CASC3: variants seen among roughly 807,000 people sequenced by gnomAD.
CASC3 encodes protein CASC3.
In CASC3, 30 loss-of-function variants were observed where a neutral mutation model predicts 80.5. That is an observed-to-expected ratio of 0.37 (90% CI 0.28 to 0.51). The LOEUF (loss-of-function observed/expected upper bound fraction) is 0.51, where lower values mean the gene tolerates loss of function less well. Among genes scored for constraint, CASC3 ranks in the 20% least tolerant of loss-of-function variants. The pLI is 0.94. For missense variants in CASC3, 824 were observed against 922.2 expected, an observed-to-expected ratio of 0.89 and a Z score of 1.38; for synonymous variants, 312 against 333.6, an observed-to-expected ratio of 0.94 and a Z score of 0.70.
chr17:40,142,652 G>T (rs577181945), intron 3 of CASC3, among the ~76,000 whole-genome samples: 26 of 152,286 alleles, frequency 1.7e-4, no homozygotes, highest in Non-Finnish European at 2.6e-4. Flanking sequence ...ACTTTGTGAG[G>T]CCCAGGCGGG....
chr17:40,167,349 A>T, intron 8 of CASC3, 149 bp from the exon 9 acceptor site: 1 of 608,982 alleles, frequency 1.6e-6, no homozygotes, highest in Non-Finnish European at 3.0e-6. Context: ...TCAAATCTTG[A>T]TATCTTTTCA....
At position 40,171,950 on chromosome 17, in the gene CASC3, G is replaced by A. The variant is rs752282720; in HGVS notation, c.*1545G>A. ...CTGGTGGTTGTGCCTTTTGTAGGCT[G>A]TTCCCTTTGCCTTAAACCTGAAGAT... On this transcript the variant is annotated 3_prime_UTR_variant, in exon 14 of 14. Transcript: ENST00000264645. 4 of 1,284,180 alleles carry A rather than the reference G, an allele frequency of 3.1e-6. No homozygotes were observed. In the Admixed American group the frequency reaches 9.3e-5, roughly 30 times the overall value. The allele number at this position is 1,284,180 out of a possible 1,614,324, so 79.5% of individuals were successfully genotyped here. A position where few individuals can be genotyped will look rare whatever the true frequency, so the allele number is the denominator to read the frequency against.
At position 40,164,000 on chromosome 17, in the gene CASC3, T is replaced by A. The variant is rs1186702809; in HGVS notation, c.1305T>A (p.Pro435=). The change falls in exon 7 of 14, where the codon CCT becomes CCA. Residue 435 remains proline, a synonymous_variant. Transcript: ENST00000264645. ...CTCCTGAAGGACTGATTCCAGCACC[T>A]CCAGTCCCAGAAACCACCCCAACTC... is the stretch of plus-strand genomic sequence containing the variant. ...PPPPEGLIPA[P]PVPETTPTPP... 1 of 1,613,846 alleles carries A rather than the reference T, an allele frequency of 6.2e-7. No individual in the cohort carries two copies. Among genetic ancestry groups the A allele is most frequent in the Admixed American group, 1.7e-5 (1 of 59,972 alleles).
intron 2 of CASC3, 71 bp from the exon 3 acceptor site, chr17:40,141,499 C>A: frequency 7.8e-7 from 1 of 1,282,170 alleles, no homozygotes; most frequent in South Asian, 1.2e-5. Context: ...GACTCTTAGT[C>A]TGACCTGTAA....
At position 40,161,755 on chromosome 17, in the gene CASC3, T is replaced by G; in HGVS notation, c.300T>G (p.Gly100=). Residue 100 remains glycine (G), a splice_region_variant and synonymous_variant, in exon 4 of 14, where the codon GGT becomes GGG. Transcript: ENST00000264645. ...GCTGACAGGGAAACTTTTTTCAGGGTGAAGAAGGTGAATACAGTGAAGAGG... is the reference window on the plus strand; with the variant it reads ...GCTGACAGGGAAACTTTTTTCAGGGGGAAGAAGGTGAATACAGTGAAGAGG... The part of the protein sequence containing the change: ...SDYESAEDSE[G]EEGEYSEEEN... 6.2e-7 allele frequency: 1 copy of G among 1,613,624 alleles called. No individual in the cohort carries two copies.
Position 40,162,841 on chromosome 17 carries a change from A to G in CASC3, c.725A>G (p.Tyr242Cys). The change falls in exon 6 of 14, where the codon TAT becomes TGT. Residue 242 changes from tyrosine (Y) to cysteine (C), a missense_variant. Physicochemically the swap from Tyr to Cys is radical, Grantham distance 194. Coordinates refer to ENST00000264645, the MANE Select transcript of CASC3 (RefSeq NM_007359.5). Reference protein sequence around the residue: ...SRQELIALYGYDIRSAHNPDD... With the variant: ...SRQELIALYGCDIRSAHNPDD... ...CAGGAGCTCATTGCTCTTTATGGTTATGACATTCGCTCAGCTCATAATCCT... is the reference window on the plus strand; with the variant it reads ...CAGGAGCTCATTGCTCTTTATGGTTGTGACATTCGCTCAGCTCATAATCCT... 1 of 1,614,170 alleles carries G rather than the reference A, an allele frequency of 6.2e-7. No homozygotes were observed. The highest frequency in any genetic ancestry group is 8.5e-7 in the Non-Finnish European group (1 of 1,180,020).
intron 3 of CASC3, among the ~76,000 whole-genome samples, chr17:40,142,757 T>C (rs1988753466): frequency 6.6e-6 from 1 of 151,872 alleles, no homozygotes; most frequent in African/African-American, 2.4e-5. Context: ...ATAAATTAGC[T>C]GGGCGTGGTG....
chr17:40,152,234 C>T (rs891102806), intron 3 of CASC3, among the ~76,000 whole-genome samples: 1 of 152,194 alleles, frequency 6.6e-6, no homozygotes, highest in Non-Finnish European at 1.5e-5. Flanking sequence ...AACTCCTGGG[C>T]TTAAGCAATC....
Position 40,163,541 on chromosome 17 carries a change from T to A in CASC3, c.846T>A (p.His282Gln), listed in dbSNP as rs1234862447. 1.2e-6 allele frequency: 2 copies of A among 1,613,932 alleles called. No individual in the cohort carries two copies. Among genetic ancestry groups the A allele is most frequent in the East Asian group, 4.5e-5 (2 of 44,884 alleles). ...ACGGTGAGCGGCTAAACAAGTCTCA[T>A]CGCCACCAGGGTCTTGGGGGCACCC... ...NWNGERLNKS[H>Q]RHQGLGGTLP... Residue 282 changes from histidine (H) to glutamine (Q), a missense_variant, in exon 7 of 14, where the codon CAT (histidine) becomes CAA (glutamine). This residue lies in a region of CASC3 where 201 missense variants were observed against 294.1 expected (regional missense o/e 0.68). Coordinates refer to ENST00000264645, the MANE Select transcript of CASC3 (RefSeq NM_007359.5).
intron 2 of CASC3, 67 bp downstream of exon 2, chr17:40,141,301 CCAA>C: frequency 2.1e-6 from 3 of 1,414,408 alleles, no homozygotes; most frequent in South Asian, 1.2e-5. Flanking sequence ...TCATCTATTT[CCAA>C]CATCGACATT....
At chr17:40,166,733 A>T in intron 7 of CASC3, 64 bp from the exon 8 acceptor site, 1 of 1,067,086 alleles carries the variant, frequency 9.4e-7, no homozygotes, top group Non-Finnish European at 1.4e-6. Flanking sequence ...GTCTCTTGAT[A>T]GTATCTTTGA....
At chr17:40,154,886 A>G (rs948128246) in intron 3 of CASC3, among the ~76,000 whole-genome samples, 4 of 151,990 alleles carry the variant, frequency 2.6e-5, no homozygotes, top group African/African-American at 9.7e-5. Context: ...GTAAGGGTCT[A>G]ACTTCATTCT....
Position 40,163,909 on chromosome 17 carries a change from C to A in CASC3, c.1214C>A (p.Ser405Tyr). The change falls in exon 7 of 14, where the codon TCC (serine) becomes TAC (tyrosine). Residue 405 changes from serine (S) to tyrosine (Y), a missense_variant. This residue lies in a region of CASC3 where 464 missense variants were observed against 506.0 expected (regional missense o/e 0.92). Transcript: ENST00000264645. ...AGGCCCATTGAGAAGAAATCCTATTCCCGGGCAAGAAGAACTCGAACCAAA... is the reference window on the plus strand; with the variant it reads ...AGGCCCATTGAGAAGAAATCCTATTACCGGGCAAGAAGAACTCGAACCAAA... Reference protein sequence around the residue: ...PDRPIEKKSYSRARRTRTKVG... With the variant: ...PDRPIEKKSYYRARRTRTKVG... The A allele has an allele frequency of 6.2e-7, 1 of 1,614,094 alleles. No individual in the cohort carries two copies. Among genetic ancestry groups the A allele is most frequent in the Non-Finnish European group, 8.5e-7 (1 of 1,180,008 alleles).
chr17:40,166,673 T>C, intron 7 of CASC3, 124 bp from the exon 8 acceptor site: 1 of 603,126 alleles, frequency 1.7e-6, no homozygotes, highest in Non-Finnish European at 2.9e-6. Flanking sequence ...TTATAGAGAA[T>C]TTTATTAGTT....
Position 40,166,851 on chromosome 17 carries a change from T to C in CASC3, c.1526T>C (p.Met509Thr), listed in dbSNP as rs1413804562. The C allele has an allele frequency of 1.9e-6, 3 of 1,606,548 alleles. No individual in the cohort carries two copies. Among genetic ancestry groups the C allele is most frequent in the East Asian group, 2.2e-5 (1 of 44,610 alleles). ...GGACCTCCACCTCAGTTTAACCGGATGGAAGAAATGGTACAGAAGGGGAAA... is the reference window on the plus strand; with the variant it reads ...GGACCTCCACCTCAGTTTAACCGGACGGAAGAAATGGTACAGAAGGGGAAA... ...GAGPPPQFNR[M>T]EEMGVQGGRA... The change falls in exon 8 of 14, where the codon ATG becomes ACG. Residue 509 changes from methionine (M) to threonine (T), a missense_variant. Around this residue, in one of 3 missense-constraint regions of CASC3, gnomAD observed 464 missense variants for 506.0 expected, o/e 0.92. Coordinates refer to ENST00000264645, the MANE Select transcript of CASC3 (RefSeq NM_007359.5).
intron 3 of CASC3, among the ~76,000 whole-genome samples, chr17:40,155,360 G>A (rs771704894): frequency 2.7e-5 from 4 of 149,086 alleles, no homozygotes; most frequent in Non-Finnish European, 4.5e-5. Flanking sequence ...GGGTTCAGGC[G>A]ATTCTCCTGC....
At chr17:40,164,271 T>TC in intron 7 of CASC3, 105 bp downstream of exon 7, 1 of 979,868 alleles carries the variant, frequency 1.0e-6, no homozygotes, top group Admixed American at 2.9e-5. Flanking sequence ...AATGTCTACT[T>TC]CTTTTTTTTT....
chr17:40,144,621 A>C (rs1988806540), intron 3 of CASC3, among the ~76,000 whole-genome samples: 1 of 149,624 alleles, frequency 6.7e-6, no homozygotes, highest in African/African-American at 2.5e-5. Context: ...CCGGGATTAC[A>C]GGTGGATTAC....
intron 5 of CASC3, 39 bp downstream of exon 5, chr17:40,162,192 T>C (rs753462660): frequency 1.3e-5 from 20 of 1,590,188 alleles, no homozygotes; most frequent in Non-Finnish European, 1.7e-5. Flanking sequence ...TAACATGTAT[T>C]TTACACATGT....
Sources: allele counts gnomAD v4.1 joint callset (sites outside exome capture counted in the v4.1 genomes callset), GRCh38; gene constraint gnomAD v4.1.1; regional missense constraint gnomAD v4.1.1; transcripts MANE v1.5; gene names NCBI Gene and HGNC (gene_info 2026-07-23, HGNC 2026-07-21).